VTI1A: variants seen among roughly 807,000 people sequenced by gnomAD.
The protein encoded by VTI1A is vesicle transport through interaction with t-SNAREs 1A.
VTI1A carries 22 observed loss-of-function variants against 34.9 expected under a neutral mutation model. The ratio of observed to expected loss-of-function variants is 0.63; its 90% CI spans 0.45 to 0.90. VTI1A has a LOEUF of 0.90. Among genes scored for constraint, VTI1A ranks in the 40% least tolerant of loss-of-function variants. The pLI, the probability that VTI1A is intolerant of heterozygous loss-of-function variation, is 0.00. For missense variants in VTI1A, 268 were observed against 275.6 expected, an observed-to-expected ratio of 0.97 and a Z score of 0.20; for synonymous variants, 87 against 97.3, an observed-to-expected ratio of 0.89 and a Z score of 0.62.
chr10:112,709,896 G>T (rs2133918203), intron 7 of VTI1A, among the ~76,000 whole-genome samples: 1 of 149,098 alleles, frequency 6.7e-6, no homozygotes, highest in African/African-American at 2.5e-5. Context: ...TCACCATGTT[G>T]CCCAGGCTGG....
chr10:112,619,884 A>C (rs1845660015), intron 5 of VTI1A, among the ~76,000 whole-genome samples: 1 of 152,160 alleles, frequency 6.6e-6, no homozygotes, highest in African/African-American at 2.4e-5. Context: ...GACACCACCT[A>C]GGGGAGGACA....
intron 5 of VTI1A, among the ~76,000 whole-genome samples, chr10:112,553,396 A>T (rs902691463): frequency 6.6e-6 from 1 of 152,256 alleles, no homozygotes; most frequent in Non-Finnish European, 1.5e-5. Context: ...CCTGAGAGAT[A>T]AATGTGATAA....
chr10:112,688,482 G>A (rs982397548), intron 7 of VTI1A, among the ~76,000 whole-genome samples: 1 of 137,180 alleles, frequency 7.3e-6, no homozygotes, highest in Non-Finnish European at 1.6e-5. Context: ...CCTTTTTGTT[G>A]TTAACATTGC....
At chr10:112,674,565 A>T (rs1022849514) in intron 7 of VTI1A, among the ~76,000 whole-genome samples, 2 of 152,310 alleles carry the variant, frequency 1.3e-5, no homozygotes, top group East Asian at 3.9e-4. Flanking sequence ...CTCTAGTGTC[A>T]GACACTTGAA....
intron 5 of VTI1A, among the ~76,000 whole-genome samples, chr10:112,607,619 T>C (rs1845133325): frequency 6.6e-6 from 1 of 152,198 alleles, no homozygotes; most frequent in Non-Finnish European, 1.5e-5. Context: ...ACTCCAAAAC[T>C]GAGATAATAA....
intron 7 of VTI1A, among the ~76,000 whole-genome samples, chr10:112,723,674 A>G (rs1849898334): frequency 6.6e-6 from 1 of 152,220 alleles, no homozygotes; most frequent in Non-Finnish European, 1.5e-5. Context: ...TCCAAATGCC[A>G]GTGTCCTAAT....
intron 5 of VTI1A, among the ~76,000 whole-genome samples, chr10:112,580,171 G>A (rs1178585603): frequency 1.3e-5 from 2 of 152,154 alleles, no homozygotes; most frequent in African/African-American, 4.8e-5. Context: ...CCTGGAAGAT[G>A]TACAAAGGGA....
At chr10:112,790,764 G>GTT (rs56892510) in intron 7 of VTI1A, among the ~76,000 whole-genome samples, 1,973 of 142,286 alleles carry the variant, frequency 0.014, 17 homozygotes, top group South Asian at 0.018. Flanking sequence ...ACTAAAAGAC[G>GTT]TTTTTTTTTT....
intron 7 of VTI1A, among the ~76,000 whole-genome samples, chr10:112,757,910 G>A (rs1483762883): frequency 6.6e-6 from 1 of 152,198 alleles, no homozygotes; most frequent in Non-Finnish European, 1.5e-5. Context: ...TTGACAGCAT[G>A]TGAACATTTT....
intron 7 of VTI1A, among the ~76,000 whole-genome samples, chr10:112,711,285 C>G (rs1421501258): frequency 6.6e-6 from 1 of 152,148 alleles, no homozygotes; most frequent in African/African-American, 2.4e-5. Context: ...AGAGCATTTT[C>G]AGTTTAACAA....
chr10:112,490,754 C>T (rs1029710239), intron 3 of VTI1A, among the ~76,000 whole-genome samples: 1 of 151,830 alleles, frequency 6.6e-6, no homozygotes, highest in Non-Finnish European at 1.5e-5. Context: ...TTGTATGCTT[C>T]CTAATGGAAG....
At chr10:112,451,808 A>G (rs988985891) in intron 1 of VTI1A, among the ~76,000 whole-genome samples, 1 of 152,214 alleles carries the variant, frequency 6.6e-6, no homozygotes, top group African/African-American at 2.4e-5. Context: ...GCTTTTGTTC[A>G]TGAATATTGT....
At chr10:112,716,596 C>T (rs913783213) in intron 7 of VTI1A, among the ~76,000 whole-genome samples, 5 of 152,054 alleles carry the variant, frequency 3.3e-5, no homozygotes, top group African/African-American at 1.2e-4. Flanking sequence ...GGCCTTAAAA[C>T]AATATGTTGT....
chr10:112,732,403 G>A (rs2133960381), intron 7 of VTI1A, among the ~76,000 whole-genome samples: 1 of 152,300 alleles, frequency 6.6e-6, no homozygotes, highest in Middle Eastern at 3.4e-3. Context: ...TAGTCCCAGA[G>A]GGGCTGTGCC....
the VTI1A span, among the ~76,000 whole-genome samples, chr10:112,833,762 G>A: frequency 1.3e-5 from 2 of 152,150 alleles, no homozygotes; most frequent in Middle Eastern, 3.2e-3. Context: ...GTGCTGGGAG[G>A]CAGAGGACTC....
intron 7 of VTI1A, among the ~76,000 whole-genome samples, chr10:112,783,790 G>T (rs556826023): frequency 1.3e-5 from 2 of 152,352 alleles, no homozygotes; most frequent in South Asian, 2.1e-4. Context: ...ACAAAGGCCT[G>T]CAGGGCCTGG....
the VTI1A span, among the ~76,000 whole-genome samples, chr10:112,844,237 G>A: frequency 6.6e-6 from 1 of 152,108 alleles, no homozygotes; most frequent in Non-Finnish European, 1.5e-5. Flanking sequence ...TAAAACACCA[G>A]CTCTTCTTCT....
chr10:112,563,708 T>C (rs963609240), intron 5 of VTI1A, among the ~76,000 whole-genome samples: 7 of 152,222 alleles, frequency 4.6e-5, no homozygotes, highest in Admixed American at 6.5e-5. Flanking sequence ...TTAGCACCAA[T>C]ATATTTTTAC....
At chr10:112,511,129 C>G (rs908655581) in intron 3 of VTI1A, among the ~76,000 whole-genome samples, 1 of 151,996 alleles carries the variant, frequency 6.6e-6, no homozygotes, top group Non-Finnish European at 1.5e-5. Context: ...CTGAAAAGTA[C>G]AAAGTAGTAC....
Sources: gnomAD v4.1 joint callset for allele counts (sites outside exome capture counted in the v4.1 genomes callset) on GRCh38, gnomAD v4.1.1 for gene constraint, MANE v1.5 for transcripts, NCBI Gene and HGNC (gene_info 2026-07-23, HGNC 2026-07-21) for gene names.